The following IL1RAPL2 variants were observed in gnomAD, a reference collection of about 807,000 sequenced individuals.
The protein encoded by IL1RAPL2 is X-linked interleukin-1 receptor accessory protein-like 2.
Under a neutral mutation model 44.1 loss-of-function variants are expected in IL1RAPL2, and 3 were observed. The observed-to-expected ratio is 0.07, with a 90% confidence interval of 0.03 to 0.18. IL1RAPL2 has a LOEUF of 0.18. IL1RAPL2 is among the 10% of genes least tolerant of loss of function. The probability of loss-of-function intolerance (pLI) is 1.00; values close to 1 mark genes in which losing one functional copy is unlikely to be tolerated. For synonymous variants in IL1RAPL2, 181 were observed against 178.8 expected, an observed-to-expected ratio of 1.01 and a Z score of -0.10; for missense variants, 391 against 496.4, an observed-to-expected ratio of 0.79 and a Z score of 2.02.
intron 2 of IL1RAPL2, among the ~76,000 whole-genome samples, chrX:105,152,889 A>G (rs1399801195): frequency 8.9e-6 from 1 of 112,427 alleles, no homozygotes; most frequent in Non-Finnish European, 1.9e-5. Context: ...CTTGCCAGAT[A>G]CTGGCCCCTT....
At chrX:105,678,048 A>T (rs2037887963) in intron 6 of IL1RAPL2, among the ~76,000 whole-genome samples, 2 of 111,936 alleles carry the variant, frequency 1.8e-5, no homozygotes, top group Admixed American at 1.9e-4. Flanking sequence ...TGGTTACGTT[A>T]TCCTGTGCCT....
intron 3 of IL1RAPL2, among the ~76,000 whole-genome samples, chrX:105,211,286 T>C (rs1477947292): frequency 3.6e-5 from 4 of 111,397 alleles, no homozygotes; most frequent in Non-Finnish European, 7.5e-5. Flanking sequence ...TGACTGTCCC[T>C]GGTTCTGCTC....
At chrX:105,536,289 T>TTAAA (rs1195283484) in intron 6 of IL1RAPL2, among the ~76,000 whole-genome samples, 1 of 110,637 alleles carries the variant, frequency 9.0e-6, no homozygotes, top group Non-Finnish European at 1.9e-5. Flanking sequence ...CAATATGTCA[T>TTAAA]TAAATAGTCT....
intron 2 of IL1RAPL2, among the ~76,000 whole-genome samples, chrX:104,846,679 A>C (rs528804733): frequency 7.1e-5 from 8 of 111,891 alleles, no homozygotes; most frequent in Non-Finnish European, 1.3e-4. Context: ...GTCTTTATAG[A>C]AGCATGATTT....
At chrX:105,157,848 T>C (rs2033282343) in intron 2 of IL1RAPL2, among the ~76,000 whole-genome samples, 1 of 112,424 alleles carries the variant, frequency 8.9e-6, no homozygotes. Flanking sequence ...TGTTAAAATA[T>C]AAATTCCAAT....
At chrX:104,691,994 A>G (rs1232896314) in intron 2 of IL1RAPL2, among the ~76,000 whole-genome samples, 2 of 111,817 alleles carry the variant, frequency 1.8e-5, no homozygotes, top group Non-Finnish European at 3.8e-5. Context: ...CAGCCAGACC[A>G]GAGTCACTCT....
At chrX:105,326,442 T>C (rs931411567) in intron 5 of IL1RAPL2, among the ~76,000 whole-genome samples, 3 of 111,331 alleles carry the variant, frequency 2.7e-5, no homozygotes, top group African/African-American at 9.8e-5. Context: ...AATTTTTATC[T>C]TGTTGCTTGC....
intron 6 of IL1RAPL2, among the ~76,000 whole-genome samples, chrX:105,614,463 G>A (rs2037358689): frequency 9.0e-6 from 1 of 111,223 alleles, no homozygotes; most frequent in Admixed American, 9.6e-5. Flanking sequence ...GCATAAAAAC[G>A]GACCCATAGA....
At chrX:105,312,243 T>G (rs1467481855) in intron 5 of IL1RAPL2, among the ~76,000 whole-genome samples, 1 of 111,774 alleles carries the variant, frequency 8.9e-6, no homozygotes, top group African/African-American at 3.2e-5. Context: ...TAATAAAACA[T>G]GAAATAAAAA....
chrX:105,341,544 G>A (rs965184970), intron 5 of IL1RAPL2, among the ~76,000 whole-genome samples: 9 of 111,773 alleles, frequency 8.1e-5, no homozygotes, highest in Non-Finnish European at 1.3e-4. Context: ...TAACTGCCCT[G>A]TAAACAAGAT....
chrX:104,710,996 C>T (rs1931446892), intron 2 of IL1RAPL2, among the ~76,000 whole-genome samples: 1 of 111,500 alleles, frequency 9.0e-6, no homozygotes, highest in Non-Finnish European at 1.9e-5. Flanking sequence ...TGTAAAACAG[C>T]CTCAGGTGGG....
chrX:105,614,793 AC>A (rs1173832532), intron 6 of IL1RAPL2, among the ~76,000 whole-genome samples: 1 of 111,969 alleles, frequency 8.9e-6, no homozygotes, highest in African/African-American at 3.2e-5. Flanking sequence ...GTAATACCCC[AC>A]AAACACAGGC....
At chrX:104,675,807 G>A (rs944634616) in intron 2 of IL1RAPL2, among the ~76,000 whole-genome samples, 1 of 110,016 alleles carries the variant, frequency 9.1e-6, no homozygotes, top group African/African-American at 3.3e-5. Context: ...TATATATGTA[G>A]GATAGTTAGC....
At chrX:104,709,006 G>C (rs778580352) in intron 2 of IL1RAPL2, among the ~76,000 whole-genome samples, 1 of 111,403 alleles carries the variant, frequency 9.0e-6, no homozygotes, top group East Asian at 2.8e-4. Flanking sequence ...TGGATAATCT[G>C]CCCTTTCAGA....
intron 1 of IL1RAPL2, among the ~76,000 whole-genome samples, chrX:104,649,475 G>C (rs915897679): frequency 9.0e-6 from 1 of 111,114 alleles, no homozygotes; most frequent in African/African-American, 3.3e-5. Context: ...TAGCTAATAG[G>C]ACCTCAGGGC....
At chrX:105,559,789 A>C (rs1029239927) in intron 6 of IL1RAPL2, among the ~76,000 whole-genome samples, 2 of 111,690 alleles carry the variant, frequency 1.8e-5, no homozygotes, top group Non-Finnish European at 3.8e-5. Context: ...CGATCTTTTT[A>C]GGTTTCACTG....
At chrX:104,931,279 A>T (rs986427428) in intron 2 of IL1RAPL2, among the ~76,000 whole-genome samples, 4 of 109,909 alleles carry the variant, frequency 3.6e-5, no homozygotes, top group Non-Finnish European at 7.6e-5. Context: ...AAGTGAATAT[A>T]AATAAATATG....
At chrX:105,419,421 A>G (rs180891119) in intron 5 of IL1RAPL2, among the ~76,000 whole-genome samples, 1 of 111,873 alleles carries the variant, frequency 8.9e-6, no homozygotes, top group East Asian at 2.8e-4. Flanking sequence ...GTTACTTTGA[A>G]TATCTGTCTT....
chrX:105,087,772 G>C (rs1602948051), intron 2 of IL1RAPL2, among the ~76,000 whole-genome samples: 1 of 112,064 alleles, frequency 8.9e-6, no homozygotes, highest in Admixed American at 9.5e-5. Context: ...AGTTATCTCA[G>C]CTGTCTAGAA....
Sources: allele counts gnomAD v4.1 joint callset (sites outside exome capture counted in the v4.1 genomes callset), GRCh38; gene constraint gnomAD v4.1.1; transcripts MANE v1.5; gene names NCBI Gene and HGNC (gene_info 2026-07-23, HGNC 2026-07-21).